MASP1: variants seen among roughly 807,000 people sequenced by gnomAD.
The protein encoded by MASP1 is MBL associated serine protease 1.
In MASP1, 59 loss-of-function variants were observed where a neutral mutation model predicts 77.1. The observed-to-expected ratio is 0.77, with a 90% CI of 0.62 to 0.95. MASP1 has a LOEUF of 0.95. Ranked by LOEUF, MASP1 falls within the 40% of genes least tolerant of loss-of-function variation. The pLI is 0.00. For synonymous variants in MASP1, 362 were observed against 354.5 expected (o/e 1.02, Z -0.24); for missense variants, 885 against 912.9 (o/e 0.97, Z 0.39).
chr3:187,238,277 T>C (rs762699619), intron 10 of MASP1, among the ~76,000 whole-genome samples: 2 of 152,220 alleles, frequency 1.3e-5, no homozygotes, highest in Non-Finnish European at 2.9e-5. Flanking sequence ...AATTTACAGA[T>C]GGAAACATGG....
At chr3:187,222,589 G>C (rs553066116) in intron 14 of MASP1, among the ~76,000 whole-genome samples, 4 of 152,248 alleles carry the variant, frequency 2.6e-5, no homozygotes, top group African/African-American at 9.6e-5. Flanking sequence ...GTATCTTATG[G>C]TCTAGAGAGG....
At chr3:187,263,886 T>C (rs1312476665) in intron 2 of MASP1, among the ~76,000 whole-genome samples, 1 of 152,210 alleles carries the variant, frequency 6.6e-6, no homozygotes, top group Non-Finnish European at 1.5e-5. Context: ...TGAGTATAAA[T>C]TCTTGACGTA....
At chr3:187,247,340 G>A in intron 8 of MASP1, 1 of 1,613,982 alleles carries the variant, frequency 6.2e-7, no homozygotes, top group Non-Finnish European at 8.5e-7. Context: ...CATTCACTCT[G>A]TCACTTGCTC....
exon 16 of MASP1, chr3:187,217,818 AT>A (rs1272854194): frequency 6.6e-6 from 1 of 152,222 alleles, no homozygotes; most frequent in African/African-American, 2.4e-5. Flanking sequence ...TGAAATTGCA[AT>A]TGGAGAAATA....
chr3:187,263,170 A>T (rs536585285), intron 2 of MASP1: 42 of 236,152 alleles, frequency 1.8e-4, no homozygotes, highest in African/African-American at 9.2e-4. Context: ...GATGAGAGAT[A>T]GACACAGTGC....
chr3:187,240,249 T>C (rs1579490521), intron 10 of MASP1, among the ~76,000 whole-genome samples: 1 of 152,066 alleles, frequency 6.6e-6, no homozygotes, highest in East Asian at 1.9e-4. Context: ...TTCTTTATAC[T>C]GTATACTGTA....
rs925467378 is a variant in MASP1, at chr3:187,219,683, A to T, written c.*388T>A. On this transcript the variant is annotated 3_prime_UTR_variant, in exon 16 of 16. Transcript: ENST00000337774. ...ATCGACCTTCTGCTAAGGTGCATTT[A>T]TTGAAAACAGTGTATGCTATGCACT... 6 of 279,510 alleles carry T rather than the reference A, an allele frequency of 2.1e-5. No individual in the cohort carries two copies. The Admixed American group carries it at 2.7e-4, about 13-fold the overall frequency. 17.3% of individuals were successfully genotyped at this position (279,510 alleles called of 1,614,324 possible). A position where few individuals can be genotyped will look rare whatever the true frequency, so the allele number is the denominator to read the frequency against.
chr3:187,289,069 C>T (rs763034537), intron 1 of MASP1, among the ~76,000 whole-genome samples: 4 of 152,192 alleles, frequency 2.6e-5, no homozygotes, highest in Admixed American at 6.5e-5. Context: ...TACGAGGCAC[C>T]GGCTGTATAG....
intron 7 of MASP1, 193 bp downstream of exon 7, chr3:187,251,441 C>T (rs1714582866): frequency 3.5e-6 from 2 of 565,006 alleles, no homozygotes; most frequent in African/African-American, 1.9e-5. Flanking sequence ...AACTTTTGTG[C>T]CACTTTCAGA....
intron 6 of MASP1, 68 bp downstream of exon 6, chr3:187,253,100 C>T (rs867737440): frequency 6.2e-7 from 1 of 1,603,640 alleles, no homozygotes; most frequent in Non-Finnish European, 8.5e-7. Flanking sequence ...CACACCTCCT[C>T]CCTCAGCCAC....
downstream of MASP1, among the ~76,000 whole-genome samples, chr3:187,229,537 C>A (rs1377086681): frequency 6.6e-6 from 1 of 152,154 alleles, no homozygotes; most frequent in Admixed American, 6.5e-5. Flanking sequence ...CTGTCTTTGA[C>A]CTCCATGTAC....
Position 187,251,743 on chromosome 3 carries a change from C to G in MASP1, c.902G>C (p.Cys301Ser). 1 of 1,613,428 alleles carries G rather than the reference C, an allele frequency of 6.2e-7. No individual in the cohort carries two copies. The highest frequency in any genetic ancestry group is 8.5e-7 in the Non-Finnish European group (1 of 1,179,374). ...ATGGACAGGAGGCTGTAGCTCTGGG[C>G]ACTCATTTCCTGGTGAGGAGCAAAT... ...RLSYRAAGNE[C>S]PELQPPVHGK... The change falls in exon 7 of 11, where the codon TGC becomes TCC. Residue 301 changes from cysteine to serine, a missense_variant. Cys to Ser is a moderately radical substitution (Grantham distance 112). Transcript: ENST00000296280.
chr3:187,226,212 A>G (rs1001491366), intron 12 of MASP1: 9 of 611,236 alleles, frequency 1.5e-5, no homozygotes, highest in East Asian at 8.6e-5. Flanking sequence ...ATAGACTTCA[A>G]TGCCTTCTCA....
intron 2 of MASP1, 109 bp from the exon 3 acceptor site, chr3:187,262,829 C>G (rs1168502123): frequency 1.1e-6 from 1 of 905,788 alleles, no homozygotes; most frequent in Non-Finnish European, 1.8e-6. Flanking sequence ...GGCTAGTCAG[C>G]CTGAGAAACC....
chr3:187,241,725 T>G lies in MASP1; in HGVS notation c.1229-170A>C, dbSNP rs1004662840. ...CTGAGCCTAGATGTACTAAGAAGAATGAGGAAGAATGTGGCAGGTACTCTC... is the reference window on the plus strand; with the variant it reads ...CTGAGCCTAGATGTACTAAGAAGAAGGAGGAAGAATGTGGCAGGTACTCTC... On this transcript the variant is annotated intron_variant, in intron 9 of 10. Coordinates refer to ENST00000296280, the MANE Select transcript of MASP1 (RefSeq NM_139125.4). 4 of 585,164 alleles carry G rather than the reference T, an allele frequency of 6.8e-6. No individual in the cohort carries two copies. The African/African-American group carries it at 7.5e-5, about 11-fold the overall frequency. 36.2% of individuals were successfully genotyped at this position (585,164 alleles called of 1,614,324 possible).
At chr3:187,265,895 G>A (rs1715977933) in intron 2 of MASP1, among the ~76,000 whole-genome samples, 1 of 152,182 alleles carries the variant, frequency 6.6e-6, no homozygotes, top group East Asian at 1.9e-4. Flanking sequence ...GTGGCTCAGT[G>A]ACAGCTCCAG....
At chr3:187,258,754 C>T (rs1394553903) in intron 4 of MASP1, among the ~76,000 whole-genome samples, 2 of 152,212 alleles carry the variant, frequency 1.3e-5, no homozygotes, top group African/African-American at 4.8e-5. Context: ...TTCAAACTGC[C>T]TTCAAACAAG....
At chr3:187,225,876 A>G (rs949041474) in intron 12 of MASP1, among the ~76,000 whole-genome samples, 3 of 152,122 alleles carry the variant, frequency 2.0e-5, no homozygotes, top group African/African-American at 7.2e-5. Flanking sequence ...ATGGCATTTT[A>G]TCTGTTCTTC....
At chr3:187,277,916 A>G (rs1360782879) in intron 2 of MASP1, among the ~76,000 whole-genome samples, 1 of 152,220 alleles carries the variant, frequency 6.6e-6, no homozygotes, top group Non-Finnish European at 1.5e-5. Flanking sequence ...AAAACTCAGT[A>G]ACATTAGCAA....
Sources: allele counts gnomAD v4.1 joint callset (sites outside exome capture counted in the v4.1 genomes callset), GRCh38; gene constraint gnomAD v4.1.1; transcripts MANE v1.5; gene names NCBI Gene and HGNC (gene_info 2026-07-23, HGNC 2026-07-21).